The following SERAC1 variants were observed in gnomAD, a reference collection of about 807,000 sequenced individuals.
SERAC1 encodes the protein serine active site containing 1, also known as protein SERAC1.
A neutral mutation model predicts 85.7 loss-of-function variants in SERAC1; 36 were observed. The observed-to-expected ratio is 0.42, with a 90% CI of 0.32 to 0.55. The LOEUF (loss-of-function observed/expected upper bound fraction) is 0.55. Ranked by LOEUF, SERAC1 falls within the 20% of genes least tolerant of loss-of-function variation. SERAC1 has a pLI of 0.11. For synonymous variants in SERAC1, 242 were observed against 265.3 expected (o/e 0.91, Z 0.85); for missense variants, 629 against 796.2 (o/e 0.79, Z 2.53).
At chr6:158,114,993 AAAC>A in intron 14 of SERAC1, 22 bp from the exon 15 acceptor site, 11 of 1,595,792 alleles carry the variant, frequency 6.9e-6, no homozygotes, top group South Asian at 1.1e-5. Flanking sequence ...CAAGGGAAAA[AAAC>A]AATGCATAAG....
At chr6:158,145,827 A>G (rs1334690591) in intron 6 of SERAC1, 2 of 151,994 alleles carry the variant, frequency 1.3e-5, no homozygotes, top group Non-Finnish European at 2.9e-5. Context: ...CTGGCTGAGA[A>G]AATTATTTTT....
At chr6:158,125,107 G>A (rs1377996407) in intron 10 of SERAC1, among the ~76,000 whole-genome samples, 2 of 152,104 alleles carry the variant, frequency 1.3e-5, no homozygotes, top group African/African-American at 4.8e-5. Flanking sequence ...TTCAAGTGTT[G>A]CCAATGTGAC....
At position 158,135,704 on chromosome 6, in the gene SERAC1, AG is replaced by A. The variant is rs1307436862; in HGVS notation, c.739-5219del. Among the ~76,000 whole-genome samples the A allele has an allele frequency of 3.3e-5, 5 of 152,376 alleles. No individual in the cohort carries two copies. In the East Asian group the frequency reaches 7.7e-4, roughly 23 times the overall value. On this transcript the variant is annotated intron_variant, in intron 8 of 16. Transcript: ENST00000647468. ...TCTGTACCTAATGAATGGCTCAGGC[AG>A]AAAAATATTAAATGTGTGTGAATAG... is the stretch of plus-strand genomic sequence containing the variant.
intron 8 of SERAC1, among the ~76,000 whole-genome samples, chr6:158,142,668 G>T (rs1220821145): frequency 5.9e-5 from 9 of 151,984 alleles, no homozygotes; most frequent in African/African-American, 2.2e-4. Flanking sequence ...GTAGAGATGG[G>T]GTTTCACCAC....
intron 10 of SERAC1, among the ~76,000 whole-genome samples, chr6:158,124,505 C>T (rs764333399): frequency 2.0e-5 from 3 of 152,040 alleles, no homozygotes; most frequent in Non-Finnish European, 4.4e-5. Context: ...TAAATGTTCT[C>T]ACCACAAAAA....
chr6:158,153,879 C>A (rs1433637861), intron 3 of SERAC1, among the ~76,000 whole-genome samples: 1 of 152,054 alleles, frequency 6.6e-6, no homozygotes, highest in Non-Finnish European at 1.5e-5. Context: ...GCCTGTAATC[C>A]CAGCACTTTG....
At chr6:158,124,748 AACAC>A (rs201023302) in intron 10 of SERAC1, among the ~76,000 whole-genome samples, 4,064 of 131,402 alleles carry the variant, frequency 0.031, 109 homozygotes, top group East Asian at 0.13. Flanking sequence ...AATGCTGGAA[AACAC>A]ACACACACAC....
At position 158,119,097 on chromosome 6, in the gene SERAC1, C is replaced by A; in HGVS notation, c.1240G>T (p.Asp414Tyr). The A allele has an allele frequency of 6.2e-6, 10 of 1,613,946 alleles. No homozygotes were observed. The highest frequency in any genetic ancestry group is 8.5e-6 in the Non-Finnish European group (10 of 1,179,914). Reference sequence around the variant, plus strand: ...TTTTCAATTACAGCCTGCTCACTGTCCTGCTGGCGCCATGTTTTGAATGCT... The same window carrying A: ...TTTTCAATTACAGCCTGCTCACTGTACTGCTGGCGCCATGTTTTGAATGCT... The part of the protein sequence containing the change: ...GAAFKTWRQQ[D>Y]SEQAVIEKPM... Residue 414 changes from aspartate to tyrosine, a missense_variant, in exon 12 of 17, where the codon GAC (aspartate) becomes TAC (tyrosine). By Grantham distance (160) the Asp-to-Tyr change is radical (BLOSUM62 -3). Coordinates refer to ENST00000647468, the MANE Select transcript of SERAC1 (RefSeq NM_032861.4). This position sits in a 1 kb window ranked among gnomAD's most constrained non-coding sequence, Gnocchi z 4.5.
chr6:158,165,219 G>A lies in SERAC1; in HGVS notation c.-2+2921C>T, dbSNP rs148989084. Among the ~76,000 whole-genome samples, 348 of 151,904 alleles carry A rather than the reference G, an allele frequency of 2.3e-3. 10 individuals carry two copies. In the East Asian group the frequency reaches 0.055, roughly 24 times the overall value. ...CACCCAGGCTGGAGTGCAGTGGCGC[G>A]ATCTCGGCTCACTGCAAACTCCGTC... On this transcript the variant is annotated intron_variant, in intron 1 of 16. Coordinates refer to ENST00000647468, the MANE Select transcript of SERAC1 (RefSeq NM_032861.4).
At chr6:158,142,356 G>C (rs1281400613) in intron 8 of SERAC1, among the ~76,000 whole-genome samples, 1 of 151,834 alleles carries the variant, frequency 6.6e-6, no homozygotes, top group Non-Finnish European at 1.5e-5. Context: ...AAGAGACGGG[G>C]GTCGCACTGT....
chr6:158,155,235 T>C (rs1785301820), intron 3 of SERAC1, 80 bp downstream of exon 3: 3 of 969,926 alleles, frequency 3.1e-6, no homozygotes, highest in Non-Finnish European at 4.9e-6. Flanking sequence ...CAAGACCTCA[T>C]GCAACCTGTC....
intron 14 of SERAC1, among the ~76,000 whole-genome samples, chr6:158,115,418 T>TGGAG (rs1784261998): frequency 2.0e-5 from 3 of 152,210 alleles, no homozygotes; most frequent in Admixed American, 2.0e-4. Context: ...ACTGTTCCTC[T>TGGAG]GGAGGCACCT....
intron 12 of SERAC1, among the ~76,000 whole-genome samples, 194 bp downstream of exon 12, chr6:158,118,835 C>A (rs1472661942): frequency 6.6e-6 from 1 of 152,114 alleles, no homozygotes; most frequent in Non-Finnish European, 1.5e-5. Flanking sequence ...TCATACACTG[C>A]ACCCCAAATG....
chr6:158,135,351 G>A (rs189544528), intron 8 of SERAC1, among the ~76,000 whole-genome samples: 41 of 152,258 alleles, frequency 2.7e-4, no homozygotes, highest in African/African-American at 9.1e-4. Flanking sequence ...GATCAACATG[G>A]TGACATCCCG....
At chr6:158,123,073 G>A (rs893890577) in intron 10 of SERAC1, among the ~76,000 whole-genome samples, 8 of 152,160 alleles carry the variant, frequency 5.3e-5, no homozygotes, top group East Asian at 3.8e-4. Context: ...GACACAGGAT[G>A]CCTAAAGAGA....
Position 158,168,127 on chromosome 6 carries a change from C to T in SERAC1, c.-2+13G>A, listed in dbSNP as rs1039073082. The T allele has an allele frequency of 3.9e-5, 6 of 152,576 alleles. No individual in the cohort carries two copies. Among genetic ancestry groups the T allele is most frequent in the African/African-American group, 1.2e-4 (5 of 41,438 alleles). 9.5% of individuals were successfully genotyped at this position (152,576 alleles called of 1,614,324 possible). On this transcript the variant is annotated intron_variant, in intron 1 of 16. Transcript: ENST00000647468. ...CCGTCCGCCCCCACACCACCCCTGCCTTCACGTCCTACCTGCCGGCAGGCG... is the reference window on the plus strand; with the variant it reads ...CCGTCCGCCCCCACACCACCCCTGCTTTCACGTCCTACCTGCCGGCAGGCG...
intron 8 of SERAC1, among the ~76,000 whole-genome samples, chr6:158,133,288 G>C (rs1784719479): frequency 1.4e-5 from 2 of 146,388 alleles, no homozygotes; most frequent in Admixed American, 1.4e-4. Context: ...AACAGAGTGA[G>C]ACCCTGTCTC....
intron 5 of SERAC1, 95 bp downstream of exon 5, chr6:158,148,769 AT>A (rs1188279547): frequency 1.1e-6 from 1 of 874,348 alleles, no homozygotes; most frequent in Admixed American, 2.8e-5. Flanking sequence ...GCTATAAAAA[AT>A]ATTAGTATAA....
At position 158,119,073 on chromosome 6, in the gene SERAC1, T is replaced by C. The variant is rs771375085; in HGVS notation, c.1264A>G (p.Lys422Glu). ...TATCTGTCTTCATCCTCCATAGGTT[T>C]TTCAATTACAGCCTGCTCACTGTCC... ...QQDSEQAVIE[K>E]PMEDEDRYTT... Residue 422 changes from lysine to glutamate, a missense_variant, in exon 12 of 17, where the codon AAA becomes GAA. Lys to Glu is a moderately conservative substitution (Grantham distance 56, BLOSUM62 1). Transcript: ENST00000647468. The surrounding 1 kb of genome is among the most constrained non-coding windows in gnomAD (Gnocchi z 4.5). 8 of 1,613,868 alleles carry C rather than the reference T, an allele frequency of 5.0e-6. No homozygotes were observed. The Admixed American group carries it at 1.0e-4, about 20-fold the overall frequency.
Sources: gnomAD v4.1 joint callset for allele counts (sites outside exome capture counted in the v4.1 genomes callset) on GRCh38, gnomAD v4.1.1 for gene constraint, Gnocchi (gnomAD v3.1) non-coding constraint, MANE v1.5 for transcripts, NCBI Gene and HGNC (gene_info 2026-07-23, HGNC 2026-07-21) for gene names.